ARB2A: variants seen among roughly 807,000 people sequenced by gnomAD.
The protein encoded by ARB2A is cotranscriptional regulator ARB2A.
chr5:93,868,730 G>C, the ARB2A span, among the ~76,000 whole-genome samples: 1 of 151,972 alleles, frequency 6.6e-6, no homozygotes, highest in Non-Finnish European at 1.5e-5. Context: ...CTCACTTGAG[G>C]AGAAAAAAAA....
the ARB2A span, among the ~76,000 whole-genome samples, chr5:93,929,399 A>G: frequency 2.0e-5 from 3 of 152,196 alleles, no homozygotes; most frequent in East Asian, 5.8e-4. Context: ...CTACTTGCCT[A>G]TAATTTTATA....
chr5:93,671,583 T>A, the ARB2A span, among the ~76,000 whole-genome samples: 2 of 152,120 alleles, frequency 1.3e-5, no homozygotes, highest in African/African-American at 4.8e-5. Context: ...ACCATCAGAC[T>A]TCATGTTATT....
At chr5:93,730,459 G>T in the ARB2A span, among the ~76,000 whole-genome samples, 1 of 151,960 alleles carries the variant, frequency 6.6e-6, no homozygotes, top group South Asian at 2.1e-4. Context: ...TTGAAATGAG[G>T]TGATCATTTA....
At chr5:93,806,591 A>AT in the ARB2A span, among the ~76,000 whole-genome samples, 3 of 151,928 alleles carry the variant, frequency 2.0e-5, no homozygotes, top group Non-Finnish European at 4.4e-5. Context: ...AGCAAATGAC[A>AT]TTATCTAACC....
At chr5:93,800,747 T>G in the ARB2A span, among the ~76,000 whole-genome samples, 2 of 152,136 alleles carry the variant, frequency 1.3e-5, no homozygotes, top group Admixed American at 6.6e-5. Flanking sequence ...TTAAAAAGAT[T>G]TCAAGCTATA....
the ARB2A span, among the ~76,000 whole-genome samples, chr5:93,755,330 G>A: frequency 2.6e-5 from 4 of 152,162 alleles, no homozygotes; most frequent in Non-Finnish European, 4.4e-5. Context: ...AATTTTACAA[G>A]TAGAAAACAC....
At chr5:93,817,038 T>C in the ARB2A span, among the ~76,000 whole-genome samples, 1 of 151,656 alleles carries the variant, frequency 6.6e-6, no homozygotes. Context: ...CTATCTGTAT[T>C]CACGAATGAT....
the ARB2A span, chr5:93,881,369 TAAA>T: frequency 1.1e-6 from 1 of 886,230 alleles, no homozygotes; most frequent in Non-Finnish European, 1.7e-6. Context: ...TGATGACAAA[TAAA>T]AAAATTAATA....
the ARB2A span, among the ~76,000 whole-genome samples, chr5:94,079,388 C>T: frequency 1.3e-5 from 2 of 152,144 alleles, no homozygotes; most frequent in East Asian, 1.9e-4. Flanking sequence ...ATTGCCACAA[C>T]TGTCAGGGGT....
the ARB2A span, among the ~76,000 whole-genome samples, chr5:94,089,407 T>C: frequency 6.6e-6 from 1 of 152,164 alleles, no homozygotes; most frequent in Admixed American, 6.5e-5. Flanking sequence ...TTTGAAATAT[T>C]ATCCACTCAG....
the ARB2A span, among the ~76,000 whole-genome samples, chr5:93,894,970 A>T: frequency 6.6e-6 from 1 of 152,236 alleles, no homozygotes; most frequent in African/African-American, 2.4e-5. Context: ...TAATTCAGAA[A>T]TCGGGATAAA....
chr5:93,724,439 T>C, the ARB2A span, among the ~76,000 whole-genome samples: 1 of 152,052 alleles, frequency 6.6e-6, no homozygotes, highest in South Asian at 2.1e-4. Flanking sequence ...AGATTCATCA[T>C]TGCTTTTTAT....
chr5:93,976,283 C>T, the ARB2A span, among the ~76,000 whole-genome samples: 2 of 152,084 alleles, frequency 1.3e-5, no homozygotes, highest in African/African-American at 4.8e-5. Flanking sequence ...TAATAAGAGT[C>T]ATCTATGAAA....
the ARB2A span, among the ~76,000 whole-genome samples, chr5:93,702,196 T>C: frequency 1.3e-5 from 2 of 152,214 alleles, no homozygotes; most frequent in Admixed American, 6.6e-5. Context: ...CAAAAGATTA[T>C]CTGATCCGAA....
the ARB2A span, among the ~76,000 whole-genome samples, chr5:94,014,491 A>G: frequency 6.6e-6 from 1 of 152,220 alleles, no homozygotes; most frequent in Admixed American, 6.5e-5. Context: ...AAAGACATGC[A>G]TCCACAAGAA....
At chr5:93,648,681 C>A in the ARB2A span, among the ~76,000 whole-genome samples, 2 of 152,146 alleles carry the variant, frequency 1.3e-5, no homozygotes, top group African/African-American at 4.8e-5. Context: ...GAATTAACTG[C>A]ATGCATGGAT....
the ARB2A span, among the ~76,000 whole-genome samples, chr5:93,797,793 T>C: frequency 6.6e-6 from 1 of 152,222 alleles, no homozygotes; most frequent in South Asian, 2.1e-4. Context: ...GAAATAGACA[T>C]GGCACAGAAA....
the ARB2A span, among the ~76,000 whole-genome samples, chr5:93,667,373 A>G: frequency 1.3e-5 from 2 of 152,178 alleles, no homozygotes; most frequent in African/African-American, 4.8e-5. Flanking sequence ...CCATTTTTAC[A>G]TATCTACAAA....
At chr5:93,956,020 G>A in the ARB2A span, among the ~76,000 whole-genome samples, 7 of 152,176 alleles carry the variant, frequency 4.6e-5, no homozygotes, top group Admixed American at 2.0e-4. Flanking sequence ...ACTTGGCTAC[G>A]TGAAACAGTG....
Sources: gnomAD v4.1 joint callset for allele counts (sites outside exome capture counted in the v4.1 genomes callset) on GRCh38, gnomAD v4.1.1 for gene constraint, MANE v1.5 for transcripts, NCBI Gene and HGNC (gene_info 2026-07-23, HGNC 2026-07-21) for gene names.